CIITA: variants seen among roughly 807,000 people sequenced by gnomAD.
CIITA encodes class II major histocompatibility complex transactivator.
Under a neutral mutation model 115.1 loss-of-function variants are expected in CIITA, and 72 were observed. The ratio of observed to expected loss-of-function variants is 0.63; its 90% CI spans 0.52 to 0.76. The LOEUF (loss-of-function observed/expected upper bound fraction) is 0.76. Ranked by LOEUF, CIITA falls within the 30% of genes least tolerant of loss-of-function variation. The pLI is 0.00. For missense variants in CIITA, 1,617 were observed against 1,463.8 expected (o/e 1.10, Z -1.71); for synonymous variants, 763 against 635.6 (o/e 1.20, Z -3.02).
rs2038728125 is a variant in CIITA, at chr16:10,901,317, C to T, written c.437-197C>T. On this transcript the variant is annotated intron_variant, in intron 5 of 19. Transcript: ENST00000324288. The surrounding 1 kb of genome is among the most constrained non-coding windows in gnomAD (Gnocchi z 6.8). ...TCGGCCTCTTCTGCTGCTACACTGC[C>T]TGGTATGGTTTGAGATGGGGTTTGG... 6.6e-6 allele frequency among the ~76,000 whole-genome samples: 1 copy of T among 152,136 alleles called. No individual in the cohort carries two copies. The highest frequency in any genetic ancestry group is 1.5e-5 in the Non-Finnish European group (1 of 68,036).
At position 10,895,756 on chromosome 16, in the gene CIITA, C is replaced by T. The variant is rs577294310; in HGVS notation, c.287C>T (p.Ala96Val). 3.7e-6 allele frequency: 6 copies of T among 1,614,046 alleles called. No homozygotes were observed. In the East Asian group the frequency reaches 6.7e-5, roughly 18 times the overall value. Reference protein sequence around the residue: ...EGDEETREAYANIAELDQYVF... With the variant: ...EGDEETREAYVNIAELDQYVF... ...GATGAAGAGACCAGGGAGGCTTATGCCAATATCGGTGAGGAAGCACCTGAG... is the reference window on the plus strand; with the variant it reads ...GATGAAGAGACCAGGGAGGCTTATGTCAATATCGGTGAGGAAGCACCTGAG... Residue 96 changes from alanine to valine, a missense_variant, in exon 3 of 20, where the codon GCC (alanine) becomes GTC (valine). Coordinates refer to ENST00000324288, the MANE Select transcript of CIITA (RefSeq NM_000246.4).
At chr16:10,910,359 A>G (rs2039477435) in intron 13 of CIITA, 100 bp downstream of exon 13, 4 of 1,021,470 alleles carry the variant, frequency 3.9e-6, no homozygotes, top group Non-Finnish European at 6.0e-6. Flanking sequence ...CTCCAGAATC[A>G]TTCTTACCCT....
At chr16:10,909,327 A>C in intron 12 of CIITA, 140 bp downstream of exon 12, 1 of 914,418 alleles carries the variant, frequency 1.1e-6, no homozygotes, top group Non-Finnish European at 1.8e-6. Flanking sequence ...GGCAATGGCT[A>C]ACCAGAGTCT....
chr16:10,904,852 T>C, intron 10 of CIITA, 40 bp downstream of exon 10: 3 of 1,603,340 alleles, frequency 1.9e-6, no homozygotes, highest in Middle Eastern at 1.7e-4. Context: ...GTGGTGGAGA[T>C]GGAAGCCCAT....
chr16:10,866,692 T>C (rs1303239114), intron 1 of CIITA: 8 of 382,112 alleles, frequency 2.1e-5, no homozygotes, highest in African/African-American at 1.7e-4. Flanking sequence ...TCCAAGTGTC[T>C]AGTGAGCTGG....
chr16:10,898,678 G>T lies in CIITA; in HGVS notation c.304G>T (p.Asp102Tyr). 1.2e-6 allele frequency: 2 copies of T among 1,610,478 alleles called. No individual in the cohort carries two copies. Among genetic ancestry groups the T allele is most frequent in the South Asian group, 2.2e-5 (2 of 90,464 alleles). The change falls in exon 4 of 20, where the codon GAC becomes TAC. Residue 102 changes from aspartate to tyrosine, a missense_variant. Coordinates refer to ENST00000324288, the MANE Select transcript of CIITA (RefSeq NM_000246.4). ...TTTCCTTGTCTGGGCAGCGGAACTG[G>T]ACCAGTATGTCTTCCAGGACTCCCA... ...REAYANIAELDQYVFQDSQLE... is the reference protein window; with the variant it reads ...REAYANIAELYQYVFQDSQLE...
chr16:10,921,115 G>A (rs146568746), intron 16 of CIITA, among the ~76,000 whole-genome samples: 21 of 152,272 alleles, frequency 1.4e-4, no homozygotes, highest in African/African-American at 4.6e-4. Flanking sequence ...TGATCCACCC[G>A]CCTCGGCCTC....
intron 2 of CIITA, 87 bp from the exon 3 acceptor site, chr16:10,895,582 T>G (rs1027973762): frequency 1.3e-6 from 2 of 1,572,038 alleles, no homozygotes; most frequent in South Asian, 2.3e-5. Context: ...GGGGATGATC[T>G]CCCAGCCCTG....
At chr16:10,909,247 C>G in intron 12 of CIITA, 60 bp downstream of exon 12, 1 of 1,571,030 alleles carries the variant, frequency 6.4e-7, no homozygotes, top group East Asian at 2.2e-5. Context: ...CATGTAGGAC[C>G]CATTCTCAAG....
chr16:10,871,930 T>C (rs943060625), intron 1 of CIITA, among the ~76,000 whole-genome samples: 2 of 152,196 alleles, frequency 1.3e-5, no homozygotes, highest in South Asian at 4.1e-4. Flanking sequence ...CCCCCAAGCC[T>C]GGCACTTCTC....
intron 1 of CIITA, among the ~76,000 whole-genome samples, chr16:10,878,546 A>G (rs2036067782): frequency 6.6e-6 from 1 of 152,176 alleles, no homozygotes; most frequent in Admixed American, 6.5e-5. Context: ...CCAGCATCAG[A>G]GGAGTGAATA....
rs2040521298 is a variant in CIITA at position 10,926,103 on chromosome 16, T to C, written c.*2248T>C. On this transcript the variant is annotated 3_prime_UTR_variant, in exon 20 of 20. Transcript: ENST00000324288. The stretch of plus-strand genomic sequence containing the variant: ...TGGGAGCTGCCTGTTCAGCTCCAGC[T>C]CACCAGCCCCAGTGCCCACAGGATC... The C allele has an allele frequency of 6.6e-6, 1 of 152,282 alleles. No individual in the cohort carries two copies. Among genetic ancestry groups the C allele is most frequent in the African/African-American group, 2.4e-5 (1 of 41,460 alleles). 9.4% of individuals were successfully genotyped at this position (152,282 alleles called of 1,614,324 possible). A position where few individuals can be genotyped will look rare whatever the true frequency, so the allele number is the denominator to read the frequency against.
intron 3 of CIITA, among the ~76,000 whole-genome samples, chr16:10,896,401 A>T (rs1001481880): frequency 3.3e-5 from 5 of 152,228 alleles, no homozygotes; most frequent in Non-Finnish European, 5.9e-5. Flanking sequence ...GGGTTGGAAG[A>T]TTTGCTAAGG....
At chr16:10,885,949 G>T (rs911231761) in intron 1 of CIITA, among the ~76,000 whole-genome samples, 7 of 152,088 alleles carry the variant, frequency 4.6e-5, no homozygotes, top group Non-Finnish European at 1.0e-4. Context: ...TGGTTCACAT[G>T]AGGGTTTTCT....
rs1039792035 is a variant in CIITA, at chr16:10,933,380, T to G, written c.*9525T>G. On this transcript the variant is annotated 3_prime_UTR_variant, in exon 20 of 20. Transcript: ENST00000324288. Reference sequence around the variant, plus strand: ...CTGGTGGGTGAGGCTCTGAAAGTGGTAGAAGGGAATTCTTTCCTAGAGTTC... The same window carrying G: ...CTGGTGGGTGAGGCTCTGAAAGTGGGAGAAGGGAATTCTTTCCTAGAGTTC... 2.0e-5 allele frequency: 3 copies of G among 152,248 alleles called. No homozygotes were observed. Among genetic ancestry groups the G allele is most frequent in the African/African-American group, 7.2e-5 (3 of 41,440 alleles). 9.4% of individuals were successfully genotyped at this position (152,248 alleles called of 1,614,324 possible).
intron 13 of CIITA, among the ~76,000 whole-genome samples, chr16:10,911,211 CT>C (rs58420035): frequency 2.0e-5 from 3 of 150,396 alleles, no homozygotes. Context: ...TCTTTCCTTT[CT>C]TCTCTCTTTC....
intron 1 of CIITA, among the ~76,000 whole-genome samples, chr16:10,883,278 T>C (rs922016609): frequency 3.9e-5 from 6 of 152,180 alleles, no homozygotes; most frequent in Non-Finnish European, 5.9e-5. Flanking sequence ...TTCCAGGTCA[T>C]TGACTGCAGT....
chr16:10,883,820 A>C (rs925005583), intron 1 of CIITA, among the ~76,000 whole-genome samples: 5 of 152,232 alleles, frequency 3.3e-5, no homozygotes, highest in African/African-American at 9.6e-5. Flanking sequence ...GGTGCAATGC[A>C]GTCACAACAG....
At chr16:10,881,828 C>A (rs2036460949) in intron 1 of CIITA, among the ~76,000 whole-genome samples, 1 of 152,154 alleles carries the variant, frequency 6.6e-6, no homozygotes. Flanking sequence ...GCAATAACTC[C>A]CCACTGCCCC....
Sources: allele counts gnomAD v4.1 joint callset (sites outside exome capture counted in the v4.1 genomes callset), GRCh38; gene constraint gnomAD v4.1.1; non-coding constraint Gnocchi (gnomAD v3.1); transcripts MANE v1.5; gene names NCBI Gene and HGNC (gene_info 2026-07-23, HGNC 2026-07-21).